GIGYF2: variants seen among roughly 807,000 people sequenced by gnomAD.
GIGYF2 encodes the protein GRB10 interacting GYF protein 2.
A neutral mutation model predicts 208.1 loss-of-function variants in GIGYF2; 25 were observed. That is an observed-to-expected ratio of 0.12 (90% CI 0.09 to 0.17). The LOEUF is 0.17. GIGYF2 is among the 10% of genes least tolerant of loss of function. The pLI is 1.00. For missense variants in GIGYF2, 1,302 were observed against 1,579.4 expected, an observed-to-expected ratio of 0.82 and a Z score of 2.98; for synonymous variants, 534 against 543.8, an observed-to-expected ratio of 0.98 and a Z score of 0.25.
At chr2:232,726,918 T>C (rs1258142391) in intron 2 of GIGYF2, among the ~76,000 whole-genome samples, 1 of 152,050 alleles carries the variant, frequency 6.6e-6, no homozygotes, top group African/African-American at 2.4e-5. Context: ...GCATTGTTCA[T>C]AAAGGCAAAA....
intron 2 of GIGYF2, among the ~76,000 whole-genome samples, chr2:232,727,641 G>A (rs75334742): frequency 0.012 from 1,872 of 152,270 alleles, 45 homozygotes; most frequent in African/African-American, 0.042. Flanking sequence ...AAGGGTTTGG[G>A]CTAGAGATCT....
At chr2:232,722,940 T>G (rs769115541) in intron 2 of GIGYF2, among the ~76,000 whole-genome samples, 5 of 152,172 alleles carry the variant, frequency 3.3e-5, no homozygotes, top group Admixed American at 6.5e-5. Context: ...TTCCCCTCAG[T>G]TTCCTTTATT....
intron 14 of GIGYF2, among the ~76,000 whole-genome samples, chr2:232,803,674 C>CTTTTTTTTTTTTTTTT (rs768507929): frequency 8.0e-5 from 4 of 49,928 alleles, no homozygotes; most frequent in African/African-American, 3.8e-4. Context: ...ATTTCTGCTT[C>CTTTTTTTTTTTTTTTT]TTTTTTTTTT....
chr2:232,720,956 C>G (rs551195520), intron 2 of GIGYF2, among the ~76,000 whole-genome samples: 3 of 152,208 alleles, frequency 2.0e-5, no homozygotes, highest in African/African-American at 7.2e-5. Flanking sequence ...GTTTGAAGTC[C>G]TTATCCCTAG....
Position 232,791,306 on chromosome 2 carries a change from G to T in GIGYF2, c.1142G>T (p.Gly381Val). 6.2e-7 allele frequency: 1 copy of T among 1,613,988 alleles called. No individual in the cohort carries two copies. Among genetic ancestry groups the T allele is most frequent in the African/African-American group, 1.3e-5 (1 of 75,004 alleles). Residue 381 changes from glycine (G) to valine (V), a missense_variant, in exon 12 of 29, where the codon GGT (glycine) becomes GTT (valine). Gly to Val is a moderately radical substitution (Grantham distance 109, BLOSUM62 -3). This residue lies in a region of GIGYF2 where 235 missense variants were observed against 218.8 expected (regional missense o/e 1.07). Coordinates refer to ENST00000373563, the MANE Select transcript of GIGYF2 (RefSeq NM_001103146.3). ...ACCTCATCATCATCTGCTAGACCAGGTACTCCTTCAGACCATCAGTCTCAG... is the reference window on the plus strand; with the variant it reads ...ACCTCATCATCATCTGCTAGACCAGTTACTCCTTCAGACCATCAGTCTCAG... Reference protein sequence around the residue: ...PQTSSSSARPGTPSDHQSQEA... With the variant: ...PQTSSSSARPVTPSDHQSQEA...
chr2:232,702,593 ACTT>A (rs1216090684), intron 1 of GIGYF2, among the ~76,000 whole-genome samples: 1 of 152,152 alleles, frequency 6.6e-6, no homozygotes, highest in Non-Finnish European at 1.5e-5. Context: ...AAGATACTAT[ACTT>A]CAATTCACTC....
At chr2:232,842,037 A>G (rs1701831987) in intron 23 of GIGYF2, among the ~76,000 whole-genome samples, 1 of 151,510 alleles carries the variant, frequency 6.6e-6, no homozygotes, top group South Asian at 2.1e-4. Context: ...GACGGGTGTC[A>G]CTGCATTACC....
chr2:232,778,061 C>G (rs1399731486), intron 8 of GIGYF2, among the ~76,000 whole-genome samples: 6 of 152,134 alleles, frequency 3.9e-5, no homozygotes, highest in Admixed American at 3.3e-4. Flanking sequence ...ATCCTCCCAC[C>G]TCATCCCCCA....
intron 19 of GIGYF2, 56 bp from the exon 20 acceptor site, chr2:232,816,815 C>T (rs780096321): frequency 4.7e-5 from 62 of 1,329,870 alleles, no homozygotes; most frequent in East Asian, 9.2e-5. Flanking sequence ...TCAGTGCTTT[C>T]GGAGTGTTCC....
At chr2:232,729,633 G>A (rs1302406884) in intron 2 of GIGYF2, 23 of 1,109,680 alleles carry the variant, frequency 2.1e-5, no homozygotes, top group East Asian at 1.7e-4. Context: ...ACTTCACAAC[G>A]TATTTGAAGT....
rs570866301 is a variant in GIGYF2, at chr2:232,717,573, A to G, written c.-44+14084A>G. On this transcript the variant is annotated intron_variant, in intron 2 of 28. Transcript: ENST00000373563. ...TTTGTCTTAGTCTGTTTGTGTTGCT[A>G]TAAAGGAATACCTGAGACTGGGTGA... Among the ~76,000 whole-genome samples the G allele has an allele frequency of 4.6e-5, 7 of 152,270 alleles. No homozygotes were observed. The South Asian group carries it at 1.0e-3, about 23-fold the overall frequency.
At position 232,760,580 on chromosome 2, in the gene GIGYF2, C is replaced by T; in HGVS notation, c.480C>T (p.Ser160=). Residue 160 remains serine, a synonymous_variant, in exon 7 of 29, where the codon AGC becomes AGT. Transcript: ENST00000373563. ...GCAGAGAAATGCATAGATCGCAGAG[C>T]TGGGAGGAAAGGTAACTGGATCCAC... ...GGGREMHRSQ[S]WEERGDRRFE... is the part of the protein sequence containing the mutation. 6.2e-7 allele frequency: 1 copy of T among 1,606,098 alleles called. No individual in the cohort carries two copies. Among genetic ancestry groups the T allele is most frequent in the Non-Finnish European group, 8.5e-7 (1 of 1,173,194 alleles).
At position 232,823,384 on chromosome 2, in the gene GIGYF2, T is replaced by A. The variant is rs201791839; in HGVS notation, c.2529+3399T>A. ...CTTTCTTTCTTTTTTTTTTTTTTTA[T>A]TGAGATGGTCTCACACTGTCACCCA... On this transcript the variant is annotated intron_variant, in intron 21 of 28. Coordinates refer to ENST00000373563, the MANE Select transcript of GIGYF2 (RefSeq NM_001103146.3). 1.9e-3 allele frequency among the ~76,000 whole-genome samples: 285 copies of A among 147,414 alleles called. 6 individuals carry two copies. Among genetic ancestry groups the A allele is most frequent in the East Asian group, 0.018 (91 of 5,012 alleles).
chr2:232,712,593 C>T (rs982624489), intron 2 of GIGYF2, among the ~76,000 whole-genome samples: 5 of 152,136 alleles, frequency 3.3e-5, no homozygotes, highest in Admixed American at 2.0e-4. Flanking sequence ...CAAGTGTCAA[C>T]ACATTGAAAA....
chr2:232,771,579 C>G (rs1026358113), intron 8 of GIGYF2, among the ~76,000 whole-genome samples: 4 of 152,168 alleles, frequency 2.6e-5, no homozygotes, highest in Non-Finnish European at 5.9e-5. Flanking sequence ...CTTAAAATAT[C>G]TCTTCTATTG....
chr2:232,727,066 A>G (rs376535214), intron 2 of GIGYF2, among the ~76,000 whole-genome samples: 7 of 152,260 alleles, frequency 4.6e-5, no homozygotes, highest in African/African-American at 1.7e-4. Context: ...CAGGGATCAA[A>G]TGATTCTCAT....
intron 6 of GIGYF2, among the ~76,000 whole-genome samples, chr2:232,759,408 T>G (rs1035040511): frequency 6.6e-6 from 1 of 152,072 alleles, no homozygotes; most frequent in Non-Finnish European, 1.5e-5. Flanking sequence ...TACAAATGTT[T>G]GTTGGGAAAA....
intron 8 of GIGYF2, among the ~76,000 whole-genome samples, chr2:232,783,776 A>T (rs1324858370): frequency 6.6e-6 from 1 of 151,980 alleles, no homozygotes; most frequent in African/African-American, 2.4e-5. Flanking sequence ...AACCTCTGCC[A>T]CCCGCTTCAA....
chr2:232,782,636 T>C (rs1266656841), intron 8 of GIGYF2: 3 of 152,210 alleles, frequency 2.0e-5, no homozygotes, highest in Non-Finnish European at 4.4e-5. Context: ...GACCAAAATA[T>C]TCCCTGTAAC....
Sources: gnomAD v4.1 joint callset for allele counts (sites outside exome capture counted in the v4.1 genomes callset) on GRCh38, gnomAD v4.1.1 for gene constraint, gnomAD v4.1.1 regional missense constraint, MANE v1.5 for transcripts, NCBI Gene and HGNC (gene_info 2026-07-23, HGNC 2026-07-21) for gene names.